Variants in KLHL3 observed in about 807,000 individuals in gnomAD.
KLHL3 encodes the protein kelch-like protein 3.
KLHL3 carries 19 observed loss-of-function variants against 70.5 expected under a neutral mutation model. The ratio of observed to expected loss-of-function variants is 0.27; its 90% CI spans 0.19 to 0.40. KLHL3 has a LOEUF of 0.40. Among genes scored for constraint, KLHL3 ranks in the 10% least tolerant of loss-of-function variants. The pLI is 1.00. For synonymous variants in KLHL3, 258 were observed against 290.3 expected, an observed-to-expected ratio of 0.89 and a Z score of 1.13; for missense variants, 512 against 771.1, an observed-to-expected ratio of 0.66 and a Z score of 3.98.
intron 8 of KLHL3, among the ~76,000 whole-genome samples, chr5:137,642,111 G>A (rs976714150): frequency 1.3e-5 from 2 of 152,220 alleles, no homozygotes; most frequent in Admixed American, 6.5e-5. Context: ...TGACATGTTC[G>A]TAAATATGCC....
intron 1 of KLHL3, among the ~76,000 whole-genome samples, chr5:137,726,743 A>C (rs1304455968): frequency 6.6e-6 from 1 of 152,172 alleles, no homozygotes; most frequent in Admixed American, 6.5e-5. Flanking sequence ...GGTCATGCCC[A>C]CAGTAGGTCC....
At chr5:137,696,710 TA>T (rs1752451953) in intron 4 of KLHL3, among the ~76,000 whole-genome samples, 1 of 152,186 alleles carries the variant, frequency 6.6e-6, no homozygotes, top group Admixed American at 6.5e-5. Flanking sequence ...CTCTACCACT[TA>T]CTCTCTATGT....
At position 137,658,215 on chromosome 5, in the gene KLHL3, C is replaced by A; in HGVS notation, c.819G>T (p.Met273Ile). ...NTCKDFLIEA[M>I]KYHLLPLDQR... ...GATCCAGAGGGAGGAGATGGTATTT[C>A]ATGGCCTCAATGAGGAAGTCTTTAC... is the stretch of plus-strand genomic sequence containing the variant. Residue 273 changes from methionine (M) to isoleucine (I), a missense_variant, in exon 8 of 15, where the codon ATG (methionine) becomes ATT (isoleucine). Physicochemically the swap from Met to Ile is conservative, Grantham distance 10. Coordinates refer to ENST00000309755, the MANE Select transcript of KLHL3 (RefSeq NM_017415.3). 6.2e-7 allele frequency: 1 copy of A among 1,613,718 alleles called. No individual in the cohort carries two copies. Among genetic ancestry groups the A allele is most frequent in the Non-Finnish European group, 8.5e-7 (1 of 1,179,624 alleles).
At chr5:137,704,040 A>T (rs1178675987) in intron 3 of KLHL3, among the ~76,000 whole-genome samples, 2 of 152,216 alleles carry the variant, frequency 1.3e-5, no homozygotes, top group African/African-American at 2.4e-5. Context: ...TATTGTTATT[A>T]TTCCAGTCCC....
chr5:137,622,235 G>T lies in KLHL3; in HGVS notation c.1736-109C>A, dbSNP rs949455674. ...CCTGAGTCACAGCCAAGGGAAATGT[G>T]TGCAATTTTTATCCTAATATTGAAG... On this transcript the variant is annotated intron_variant, in intron 14 of 14. Transcript: ENST00000309755. 13 of 1,321,446 alleles carry T rather than the reference G, an allele frequency of 9.8e-6. No individual in the cohort carries two copies. In the Admixed American group the frequency reaches 1.6e-4, roughly 16 times the overall value. 81.9% of individuals were successfully genotyped at this position (1,321,446 alleles called of 1,614,324 possible).
At chr5:137,646,002 C>T (rs1466411398) in intron 8 of KLHL3, among the ~76,000 whole-genome samples, 3 of 152,148 alleles carry the variant, frequency 2.0e-5, no homozygotes, top group Non-Finnish European at 2.9e-5. Flanking sequence ...TTACAGCCAA[C>T]TGATTTTCGA....
Position 137,639,193 on chromosome 5 carries a change from A to T in KLHL3, c.1022-43T>A, listed in dbSNP as rs751622174. The T allele has an allele frequency of 1.3e-5, 20 of 1,577,036 alleles. No homozygotes were observed. The East Asian group carries it at 4.6e-4, about 36-fold the overall frequency. On this transcript the variant is annotated intron_variant, in intron 9 of 14. Coordinates refer to ENST00000309755, the MANE Select transcript of KLHL3 (RefSeq NM_017415.3). This position sits in a 1 kb window ranked among gnomAD's most constrained non-coding sequence, Gnocchi z 5.0. ...AAGACATCAAGGTCAGGTCAGGCGC[A>T]TGACTGCTCATGTTGATGGATGGCA... is the stretch of plus-strand genomic sequence containing the variant.
chr5:137,655,275 G>A (rs1241585048), intron 8 of KLHL3, among the ~76,000 whole-genome samples: 18 of 152,154 alleles, frequency 1.2e-4, no homozygotes, highest in Admixed American at 1.0e-3. Context: ...TCATAATAAA[G>A]ATAGTATTCA....
At chr5:137,690,065 C>T (rs1184784435) in intron 5 of KLHL3, among the ~76,000 whole-genome samples, 3 of 152,234 alleles carry the variant, frequency 2.0e-5, no homozygotes, top group Non-Finnish European at 4.4e-5. Context: ...CAGTGGCTTA[C>T]GCCTGTAATC....
At chr5:137,626,996 C>CAA (rs150828371) in intron 13 of KLHL3, among the ~76,000 whole-genome samples, 80 of 145,308 alleles carry the variant, frequency 5.5e-4, no homozygotes, top group Middle Eastern at 3.7e-3. Context: ...GATCCTGTCT[C>CAA]AAAAAAAAAA....
chr5:137,702,242 G>T (rs1400487921), intron 3 of KLHL3, among the ~76,000 whole-genome samples: 1 of 97,150 alleles, frequency 1.0e-5, no homozygotes, highest in Non-Finnish European at 2.0e-5. Flanking sequence ...CATGCAAAAT[G>T]ATGAGCACAC....
rs1561586752 is a variant in KLHL3, at chr5:137,639,957, G to A, written c.924C>T (p.Gly308=). 1 of 1,614,146 alleles carries A rather than the reference G, an allele frequency of 6.2e-7. No individual in the cohort carries two copies. The highest frequency in any genetic ancestry group is 1.7e-5 in the Admixed American group (1 of 60,016). The change falls in exon 9 of 15, where the codon GGC becomes GGT. Residue 308 remains glycine (G), a synonymous_variant. Transcript: ENST00000309755. The surrounding 1 kb of genome is among the most constrained non-coding windows in gnomAD (Gnocchi z 5.0). ...CACTGCGGATTGCCTTGGGTGCCTGGCCGCCAACCACAATCATGACCTCCG... is the reference window on the plus strand; with the variant it reads ...CACTGCGGATTGCCTTGGGTGCCTGACCGCCAACCACAATCATGACCTCCG... ...SLPKVMIVVG[G]QAPKAIRSVE...
chr5:137,730,864 C>A (rs1460029519), intron 1 of KLHL3, among the ~76,000 whole-genome samples: 1 of 152,084 alleles, frequency 6.6e-6, no homozygotes, highest in African/African-American at 2.4e-5. Flanking sequence ...TGCTAAGACT[C>A]TGAAAATCCT....
intron 6 of KLHL3, chr5:137,672,876 T>A (rs908815831): frequency 1.3e-5 from 2 of 152,174 alleles, no homozygotes; most frequent in Non-Finnish European, 2.9e-5. Context: ...GGAAATACAA[T>A]AAACATGCCG....
chr5:137,720,353 G>C (rs1456640023), intron 2 of KLHL3, 112 bp downstream of exon 2: 7 of 1,275,752 alleles, frequency 5.5e-6, no homozygotes, highest in Admixed American at 2.0e-5. Context: ...AAGAATGGAT[G>C]GAAAGAGTCA....
At chr5:137,664,122 C>T (rs1751554325) in intron 6 of KLHL3, among the ~76,000 whole-genome samples, 1 of 151,900 alleles carries the variant, frequency 6.6e-6, no homozygotes, top group African/African-American at 2.4e-5. Context: ...GAGGCCAAGG[C>T]AGGCAGATTG....
intron 5 of KLHL3, among the ~76,000 whole-genome samples, chr5:137,689,976 C>T (rs1752276889): frequency 6.6e-6 from 1 of 152,190 alleles, no homozygotes; most frequent in Non-Finnish European, 1.5e-5. Context: ...AAGAAGGAGA[C>T]AGAATTTCTG....
intron 5 of KLHL3, among the ~76,000 whole-genome samples, chr5:137,684,537 G>A (rs892814856): frequency 6.6e-6 from 1 of 151,942 alleles, no homozygotes; most frequent in Non-Finnish European, 1.5e-5. Context: ...GGAGGTTTTT[G>A]CTTAGCTTTG....
In KLHL3 at chr5:137,639,574, A is replaced by C. The variant is rs920494182; in HGVS notation, c.1021+286T>G. Among the ~76,000 whole-genome samples the C allele has an allele frequency of 2.6e-5, 4 of 152,030 alleles. No homozygotes were observed. The highest frequency in any genetic ancestry group is 9.7e-5 in the African/African-American group (4 of 41,410). On this transcript the variant is annotated intron_variant, in intron 9 of 14. Coordinates refer to ENST00000309755, the MANE Select transcript of KLHL3 (RefSeq NM_017415.3). This position sits in a 1 kb window ranked among gnomAD's most constrained non-coding sequence, Gnocchi z 5.0. ...CTGGGCATGGTGGTGCACGCCTGTAATCCCAGCTACTTGGAAGGCTGAGGT... is the reference window on the plus strand; with the variant it reads ...CTGGGCATGGTGGTGCACGCCTGTACTCCCAGCTACTTGGAAGGCTGAGGT...
Sources: gnomAD v4.1 joint callset for allele counts (sites outside exome capture counted in the v4.1 genomes callset) on GRCh38, gnomAD v4.1.1 for gene constraint, Gnocchi (gnomAD v3.1) non-coding constraint, MANE v1.5 for transcripts, NCBI Gene and HGNC (gene_info 2026-07-23, HGNC 2026-07-21) for gene names.